TBC1D1: variants seen among roughly 807,000 people sequenced by gnomAD.
TBC1D1 encodes TBC1 domain family member 1.
In TBC1D1, 89 loss-of-function variants were observed where a neutral mutation model predicts 125.6. That is an observed-to-expected ratio of 0.71 (90% CI 0.60 to 0.85). The LOEUF is 0.85. Among genes scored for constraint, TBC1D1 ranks in the 40% least tolerant of loss-of-function variants. The pLI, the probability that TBC1D1 is intolerant of heterozygous loss-of-function variation, is 0.00. For missense variants in TBC1D1, 1,377 were observed against 1,469.2 expected, an observed-to-expected ratio of 0.94 and a Z score of 1.03; for synonymous variants, 565 against 564.1, an observed-to-expected ratio of 1.00 and a Z score of -0.02.
At chr4:37,970,694 G>A (rs2152344491) in intron 2 of TBC1D1, among the ~76,000 whole-genome samples, 1 of 152,350 alleles carries the variant, frequency 6.6e-6, no homozygotes, top group South Asian at 2.1e-4. Context: ...CAGGATTCTG[G>A]TCTGACTCCA....
chr4:38,021,744 G>T (rs1169250644), intron 6 of TBC1D1, 26 bp downstream of exon 6: 3 of 1,510,862 alleles, frequency 2.0e-6, no homozygotes, highest in East Asian at 4.8e-5. Context: ...TTTCCAGCAT[G>T]AACACAGTGG....
At chr4:38,082,641 A>G (rs752950019) in intron 12 of TBC1D1, among the ~76,000 whole-genome samples, 1 of 152,056 alleles carries the variant, frequency 6.6e-6, no homozygotes, top group East Asian at 1.9e-4. Flanking sequence ...CTTTTTCTTG[A>G]TCCTTCTCCA....
chr4:37,910,561 G>A (rs972242236), intron 2 of TBC1D1, among the ~76,000 whole-genome samples: 1 of 151,886 alleles, frequency 6.6e-6, no homozygotes, highest in African/African-American at 2.4e-5. Context: ...GATAAACTTT[G>A]CATGTTCTCA....
chr4:37,943,101 G>A (rs1725927921), intron 2 of TBC1D1, among the ~76,000 whole-genome samples: 1 of 152,258 alleles, frequency 6.6e-6, no homozygotes, highest in Non-Finnish European at 1.5e-5. Flanking sequence ...ATGAAGCTTA[G>A]TTTGGCTGGA....
chr4:38,018,818 C>T, intron 4 of TBC1D1, among the ~76,000 whole-genome samples: 1 of 152,176 alleles, frequency 6.6e-6, no homozygotes, highest in East Asian at 1.9e-4. Context: ...TTCTACTTTA[C>T]AAAAATTTGT....
intron 1 of TBC1D1, among the ~76,000 whole-genome samples, chr4:37,899,190 G>C (rs978318062): frequency 6.6e-6 from 1 of 151,738 alleles, no homozygotes; most frequent in Non-Finnish European, 1.5e-5. Context: ...GTAGTAATAG[G>C]ATGAAGAAGG....
intron 2 of TBC1D1, among the ~76,000 whole-genome samples, chr4:37,931,391 C>G (rs1399534378): frequency 6.6e-6 from 1 of 152,136 alleles, no homozygotes; most frequent in Non-Finnish European, 1.5e-5. Flanking sequence ...GCCAACTCAC[C>G]TGGCTGGTAC....
chr4:37,986,708 A>G (rs895708131), intron 2 of TBC1D1, among the ~76,000 whole-genome samples: 1 of 152,180 alleles, frequency 6.6e-6, no homozygotes, highest in Non-Finnish European at 1.5e-5. Flanking sequence ...AAGTGATTAC[A>G]GGTGCGAGCC....
At chr4:37,964,337 G>T (rs1188484379) in intron 2 of TBC1D1, among the ~76,000 whole-genome samples, 1 of 152,192 alleles carries the variant, frequency 6.6e-6, no homozygotes, top group East Asian at 1.9e-4. Flanking sequence ...TGGAAAGGAG[G>T]GTCGGGGCGC....
chr4:37,968,088 G>T (rs937356270), intron 2 of TBC1D1, among the ~76,000 whole-genome samples: 1 of 152,218 alleles, frequency 6.6e-6, no homozygotes, highest in Admixed American at 6.5e-5. Context: ...GAGAACAGAT[G>T]TTTAAATAGC....
chr4:38,061,814 A>C (rs185052674), intron 12 of TBC1D1, among the ~76,000 whole-genome samples: 1 of 152,232 alleles, frequency 6.6e-6, no homozygotes, highest in Non-Finnish European at 1.5e-5. Flanking sequence ...TGACCAATTT[A>C]TATTATTGTG....
intron 2 of TBC1D1, among the ~76,000 whole-genome samples, chr4:37,974,419 T>C (rs1732641732): frequency 6.6e-6 from 1 of 152,120 alleles, no homozygotes; most frequent in Non-Finnish European, 1.5e-5. Context: ...TTTTCCTTTA[T>C]GTAGACATGG....
intron 2 of TBC1D1, among the ~76,000 whole-genome samples, chr4:38,003,086 A>T (rs1160183770): frequency 1.3e-5 from 2 of 152,236 alleles, no homozygotes; most frequent in Non-Finnish European, 2.9e-5. Context: ...TTTCCATCTT[A>T]CAATACCTAC....
intron 3 of TBC1D1, among the ~76,000 whole-genome samples, chr4:38,015,267 G>A (rs1742458028): frequency 6.6e-6 from 1 of 152,068 alleles, no homozygotes; most frequent in Non-Finnish European, 1.5e-5. Context: ...CCAGCAGAGA[G>A]ATTTAAAAAA....
intron 2 of TBC1D1, among the ~76,000 whole-genome samples, chr4:37,959,976 T>A (rs34301391): frequency 0.11 from 16,843 of 152,230 alleles, 1,695 homozygotes; most frequent in East Asian, 0.43. Context: ...TCAGGGGTGC[T>A]GCTTTAGTAA....
intron 8 of TBC1D1, among the ~76,000 whole-genome samples, chr4:38,041,095 G>A (rs910332232): frequency 5.9e-5 from 9 of 152,260 alleles, no homozygotes; most frequent in African/African-American, 2.2e-4. Context: ...TGGATAATTG[G>A]ACAAAGCTGA....
At chr4:38,060,678 T>G (rs1578488695) in intron 12 of TBC1D1, 5 of 1,280,726 alleles carry the variant, frequency 3.9e-6, no homozygotes, top group Non-Finnish European at 5.1e-6. Context: ...ATAGAGGCAG[T>G]CTCATCTGTC....
chr4:37,904,772 G>A (rs1716938964), intron 2 of TBC1D1, among the ~76,000 whole-genome samples: 1 of 152,198 alleles, frequency 6.6e-6, no homozygotes, highest in Non-Finnish European at 1.5e-5. Flanking sequence ...ATAATTTGTA[G>A]TATAGGTATA....
chr4:37,975,343 A>G (rs113060315), intron 2 of TBC1D1, among the ~76,000 whole-genome samples: 3,847 of 152,300 alleles, frequency 0.025, 170 homozygotes, highest in African/African-American at 0.087. Flanking sequence ...AAAAGGCAGA[A>G]CCAGGTGTAC....
Sources: gnomAD v4.1 joint callset for allele counts (sites outside exome capture counted in the v4.1 genomes callset) on GRCh38, gnomAD v4.1.1 for gene constraint, MANE v1.5 for transcripts, NCBI Gene and HGNC (gene_info 2026-07-23, HGNC 2026-07-21) for gene names.